ANKRD11: variants seen among roughly 807,000 people sequenced by gnomAD.
ANKRD11 encodes the protein ankyrin repeat domain-containing protein 11.
Under a neutral mutation model 195.7 loss-of-function variants are expected in ANKRD11, and 17 were observed. The observed-to-expected ratio is 0.09, with a 90% confidence interval of 0.06 to 0.13. The LOEUF is 0.13. Ranked by LOEUF, ANKRD11 falls within the 10% of genes least tolerant of loss-of-function variation. The probability of loss-of-function intolerance (pLI) is 1.00; values close to 1 mark genes in which losing one functional copy is unlikely to be tolerated. For missense variants in ANKRD11, 3,735 were observed against 3,566.1 expected (o/e 1.05, Z -1.21); for synonymous variants, 1,953 against 1,528.1 (o/e 1.28, Z -6.49).
At chr16:89,317,864 G>A (rs1047115304) in intron 2 of ANKRD11, among the ~76,000 whole-genome samples, 1 of 152,148 alleles carries the variant, frequency 6.6e-6, no homozygotes, top group South Asian at 2.1e-4. Flanking sequence ...TTCCTAGATA[G>A]CCAAGGGCTC....
chr16:89,287,206 G>A, intron 7 of ANKRD11: 1 of 846,318 alleles, frequency 1.2e-6, no homozygotes, highest in Admixed American at 2.9e-5. Context: ...CCTCCTCTAA[G>A]GCCAGCAGCG....
chr16:89,416,199 C>A (rs2042305525), intron 2 of ANKRD11, among the ~76,000 whole-genome samples: 1 of 152,128 alleles, frequency 6.6e-6, no homozygotes, highest in South Asian at 2.1e-4. Flanking sequence ...GTTCTCAATC[C>A]ACTAGAGTGC....
intron 12 of ANKRD11, 59 bp downstream of exon 12, chr16:89,270,758 A>G: frequency 6.4e-7 from 1 of 1,565,958 alleles, no homozygotes; most frequent in Non-Finnish European, 8.7e-7. Flanking sequence ...GTCACCACCC[A>G]TCACAGAACT....
intron 2 of ANKRD11, among the ~76,000 whole-genome samples, chr16:89,394,354 C>T (rs1347921118): frequency 6.6e-6 from 1 of 152,212 alleles, no homozygotes; most frequent in Admixed American, 6.5e-5. Context: ...GTGGGCCAGG[C>T]ACAGTGGCTC....
intron 2 of ANKRD11, among the ~76,000 whole-genome samples, chr16:89,343,014 T>C (rs1289305415): frequency 6.6e-6 from 1 of 152,174 alleles, no homozygotes; most frequent in Non-Finnish European, 1.5e-5. Flanking sequence ...TTTGCAAATA[T>C]AAGCGCTTTT....
chr16:89,287,141 G>A (rs953973539), intron 7 of ANKRD11: 14 of 1,286,934 alleles, frequency 1.1e-5, no homozygotes, highest in Non-Finnish European at 1.4e-5. Context: ...TTTCTTGCAG[G>A]GCTGGGACGG....
At chr16:89,449,108 T>G (rs1356167450) in intron 1 of ANKRD11, among the ~76,000 whole-genome samples, 1 of 148,528 alleles carries the variant, frequency 6.7e-6, no homozygotes, top group Non-Finnish European at 1.5e-5. Context: ...CCCAGCATGT[T>G]GGGAGGCTGA....
chr16:89,303,218 A>C (rs1232843594), intron 4 of ANKRD11, among the ~76,000 whole-genome samples: 1 of 152,212 alleles, frequency 6.6e-6, no homozygotes, highest in Non-Finnish European at 1.5e-5. Context: ...GAAACACCTC[A>C]AAGGTCTGAG....
chr16:89,433,133 TG>T (rs1470380887), intron 1 of ANKRD11, among the ~76,000 whole-genome samples: 1 of 152,118 alleles, frequency 6.6e-6, no homozygotes, highest in East Asian at 1.9e-4. Context: ...TTAGAACAGA[TG>T]GATATTCACC....
intron 2 of ANKRD11, among the ~76,000 whole-genome samples, chr16:89,350,772 C>G (rs2039176352): frequency 6.6e-6 from 1 of 152,148 alleles, no homozygotes; most frequent in African/African-American, 2.4e-5. Context: ...CATCTGTAGT[C>G]ATGAGCAACA....
chr16:89,379,181 G>C (rs1436042115), intron 2 of ANKRD11, among the ~76,000 whole-genome samples: 1 of 152,248 alleles, frequency 6.6e-6, no homozygotes, highest in African/African-American at 2.4e-5. Context: ...GCCATTCTGG[G>C]AGCTGCTGGC....
chr16:89,279,005 C>T lies in ANKRD11; in HGVS notation c.7470+67G>A. The T allele has an allele frequency of 6.3e-7, 1 of 1,594,652 alleles. No individual in the cohort carries two copies. Among genetic ancestry groups the T allele is most frequent in the Non-Finnish European group, 8.5e-7 (1 of 1,171,216 alleles). On this transcript the variant is annotated intron_variant, in intron 9 of 12. Transcript: ENST00000301030. The surrounding 1 kb of genome is among the most constrained non-coding windows in gnomAD (Gnocchi z 5.6). ...TGGGACAAGACGGGCTGGAGGAAGCCGTGACTAGGGGCCCCAGACGCATCC... is the reference window on the plus strand; with the variant it reads ...TGGGACAAGACGGGCTGGAGGAAGCTGTGACTAGGGGCCCCAGACGCATCC...
chr16:89,281,811 G>A lies in ANKRD11; in HGVS notation c.4731C>T (p.Asp1577=), dbSNP rs749644088. ...TCCTCTCGAAGCTGGTCATCATCAGGTCGCCGTCCCCCAGGAGCTTCTCCC... is the reference window on the plus strand; with the variant it reads ...TCCTCTCGAAGCTGGTCATCATCAGATCGCCGTCCCCCAGGAGCTTCTCCC... ...RPREKLLGDG[D]LMMTSFERML... Residue 1577 remains aspartate (D), a synonymous_variant, in exon 9 of 13, where the codon GAC becomes GAT. Coordinates refer to ENST00000301030, the MANE Select transcript of ANKRD11 (RefSeq NM_013275.6). This position sits in a 1 kb window ranked among gnomAD's most constrained non-coding sequence, Gnocchi z 5.5. 1 of 1,614,006 alleles carries A rather than the reference G, an allele frequency of 6.2e-7. No homozygotes were observed.
At chr16:89,298,710 G>C (rs918294390) in intron 4 of ANKRD11, among the ~76,000 whole-genome samples, 1 of 152,174 alleles carries the variant, frequency 6.6e-6, no homozygotes, top group African/African-American at 2.4e-5. Flanking sequence ...TCTGAGGGGT[G>C]TCAGGGAAGC....
chr16:89,374,798 C>A (rs1313136011), intron 2 of ANKRD11, among the ~76,000 whole-genome samples: 1 of 152,092 alleles, frequency 6.6e-6, no homozygotes, highest in Non-Finnish European at 1.5e-5. Flanking sequence ...CAGAGCTGAC[C>A]CCGAACACCA....
chr16:89,432,944 A>ATCCCTATCTC (rs2043048434), intron 1 of ANKRD11, among the ~76,000 whole-genome samples: 1 of 108,650 alleles, frequency 9.2e-6, no homozygotes, highest in East Asian at 2.8e-4. Context: ...CAGAGACCCT[A>ATCCCTATCTC]TCTCTCTCTC....
chr16:89,468,813 C>G (rs1367154138), intron 1 of ANKRD11, among the ~76,000 whole-genome samples: 1 of 152,180 alleles, frequency 6.6e-6, no homozygotes, highest in African/African-American at 2.4e-5. Flanking sequence ...TTGAAACGTA[C>G]AGGGCTCAGC....
At chr16:89,405,325 C>T (rs2041862453) in intron 2 of ANKRD11, among the ~76,000 whole-genome samples, 1 of 152,128 alleles carries the variant, frequency 6.6e-6, no homozygotes, top group African/African-American at 2.4e-5. Flanking sequence ...CCTCTAGTCA[C>T]ATAGGTAACT....
intron 2 of ANKRD11, among the ~76,000 whole-genome samples, chr16:89,387,017 G>A (rs370808493): frequency 1.3e-5 from 2 of 151,978 alleles, no homozygotes; most frequent in African/African-American, 4.8e-5. Context: ...TCTGGAGGCC[G>A]CCCGTGGTGA....
Sources: gnomAD v4.1 joint callset for allele counts (sites outside exome capture counted in the v4.1 genomes callset) on GRCh38, gnomAD v4.1.1 for gene constraint, Gnocchi (gnomAD v3.1) non-coding constraint, MANE v1.5 for transcripts, NCBI Gene and HGNC (gene_info 2026-07-23, HGNC 2026-07-21) for gene names.